The following MAN1C1 variants were observed in gnomAD, a reference collection of about 807,000 sequenced individuals.
MAN1C1 encodes the protein mannosyl-oligosaccharide 1,2-alpha-mannosidase IC.
A neutral mutation model predicts 71.5 loss-of-function variants in MAN1C1; 49 were observed. The ratio of observed to expected loss-of-function variants is 0.69; its 90% CI spans 0.54 to 0.87. The LOEUF (loss-of-function observed/expected upper bound fraction) is 0.87. Among genes scored for constraint, MAN1C1 ranks in the 40% least tolerant of loss-of-function variants. The pLI is 0.00. For missense variants in MAN1C1, 743 were observed against 835.0 expected, an observed-to-expected ratio of 0.89 and a Z score of 1.36; for synonymous variants, 352 against 343.7, an observed-to-expected ratio of 1.02 and a Z score of -0.27.
rs79893268 is a variant in MAN1C1, at chr1:25,783,660, C to T, written c.1767-3C>T. 10,752 of 1,611,756 alleles carry T rather than the reference C, an allele frequency of 6.7e-3. 599 individuals are homozygous for T. The African/African-American group carries it at 0.12, about 18-fold the overall frequency. On this transcript the variant is annotated splice_region_variant and splice_polypyrimidine_tract_variant and intron_variant, in intron 11 of 11. Coordinates refer to ENST00000374332, the MANE Select transcript of MAN1C1 (RefSeq NM_020379.4). ...TTGCTTCCCTGCCCTGCGTGGGGCA[C>T]AGGTATCTCTATCTTCTGTTCTCTG...
chr1:25,618,200 G>T lies in MAN1C1; in HGVS notation c.403G>T (p.Gly135Trp). Reference sequence around the variant, plus strand: ...CAATAGCATCCCGGCCTCCAGGCCCGGGGACGAGGGCGTCCCTTTCCGCTT... The same window carrying T: ...CAATAGCATCCCGGCCTCCAGGCCCTGGGACGAGGGCGTCCCTTTCCGCTT... ...RGNSIPASRP[G>W]DEGVPFRFDF... Residue 135 changes from glycine to tryptophan, a missense_variant, in exon 1 of 12, where the codon GGG (glycine) becomes TGG (tryptophan). Gly to Trp is a radical substitution (Grantham distance 184, BLOSUM62 -2). Coordinates refer to ENST00000374332, the MANE Select transcript of MAN1C1 (RefSeq NM_020379.4). 1 of 1,585,710 alleles carries T rather than the reference G, an allele frequency of 6.3e-7. No individual in the cohort carries two copies. Among genetic ancestry groups the T allele is most frequent in the East Asian group, 2.3e-5 (1 of 43,438 alleles).
chr1:25,780,962 C>T lies in MAN1C1; in HGVS notation c.1500C>T (p.Ala500=). 1 of 1,614,134 alleles carries T rather than the reference C, an allele frequency of 6.2e-7. No homozygotes were observed. The highest frequency in any genetic ancestry group is 8.5e-7 in the Non-Finnish European group (1 of 1,179,994). ...CAGACACCAAACTTGGGCCTGAGGC[C>T]TTCTGGTTTAACTCCGGCAGAGAGG... ...ARSDTKLGPE[A]FWFNSGREAV... Residue 500 remains alanine (A), a synonymous_variant, in exon 10 of 12, where the codon GCC becomes GCT. Transcript: ENST00000374332.
chr1:25,783,951 C>G lies in MAN1C1; in HGVS notation c.*162C>G. 1.1e-6 allele frequency: 1 copy of G among 927,230 alleles called. No homozygotes were observed. The highest frequency in any genetic ancestry group is 1.6e-6 in the Non-Finnish European group (1 of 636,408). The allele number at this position is 927,230 out of a possible 1,614,324, so 57.4% of individuals were successfully genotyped here. ...TCTTTTCCTCTGTGAGGAGACAAGA[C>G]TTGGAGACTCAGCGATGTCAGGCCA... is the stretch of plus-strand genomic sequence containing the variant. On this transcript the variant is annotated 3_prime_UTR_variant, in exon 12 of 12. Coordinates refer to ENST00000374332, the MANE Select transcript of MAN1C1 (RefSeq NM_020379.4).
chr1:25,654,808 A>G (rs528061892), intron 1 of MAN1C1, among the ~76,000 whole-genome samples: 1 of 151,866 alleles, frequency 6.6e-6, no homozygotes, highest in Non-Finnish European at 1.5e-5. Flanking sequence ...CACCACGCCT[A>G]GCTAATTTTT....
chr1:25,648,077 C>G, intron 1 of MAN1C1, among the ~76,000 whole-genome samples: 1 of 152,242 alleles, frequency 6.6e-6, no homozygotes, highest in East Asian at 1.9e-4. Context: ...GGAGCCCCGC[C>G]TGCATCTGGC....
chr1:25,756,777 C>T (rs552830051), intron 5 of MAN1C1, among the ~76,000 whole-genome samples: 1 of 152,286 alleles, frequency 6.6e-6, no homozygotes, highest in East Asian at 1.9e-4. Context: ...GCCTCAGTTT[C>T]CTCCTTTGCA....
rs892007854 is a variant in MAN1C1, at chr1:25,778,738, T to C, written c.1477+414T>C. On this transcript the variant is annotated intron_variant, in intron 9 of 11. Transcript: ENST00000374332. The surrounding 1 kb of genome is among the most constrained non-coding windows in gnomAD (Gnocchi z 5.5). ...TGAGTCTCCTACTTTCAAATGTGCCTCTGCCTTTCCCCCGGCACCCTCCTT... is the reference window on the plus strand; with the variant it reads ...TGAGTCTCCTACTTTCAAATGTGCCCCTGCCTTTCCCCCGGCACCCTCCTT... Among the ~76,000 whole-genome samples, 11 of 152,096 alleles carry C rather than the reference T, an allele frequency of 7.2e-5. No individual in the cohort carries two copies. The highest frequency in any genetic ancestry group is 7.2e-4 in the Admixed American group (11 of 15,280).
intron 1 of MAN1C1, among the ~76,000 whole-genome samples, chr1:25,641,255 T>A (rs2045533761): frequency 2.6e-5 from 4 of 152,206 alleles, no homozygotes; most frequent in Admixed American, 2.6e-4. Flanking sequence ...ATACAGAGCA[T>A]GGGCTGTCAT....
chr1:25,745,281 C>T (rs540047279), intron 2 of MAN1C1, among the ~76,000 whole-genome samples: 34 of 152,226 alleles, frequency 2.2e-4, no homozygotes, highest in Admixed American at 8.5e-4. Context: ...ATGAGAATGG[C>T]CGCAAATTTT....
At chr1:25,760,610 G>C (rs1010070221) in intron 6 of MAN1C1, 1 of 152,166 alleles carries the variant, frequency 6.6e-6, no homozygotes, top group East Asian at 1.9e-4. Flanking sequence ...GCACATTCCT[G>C]TCCCCGTAAT....
chr1:25,658,377 G>A (rs895765413), intron 1 of MAN1C1, among the ~76,000 whole-genome samples: 1 of 152,158 alleles, frequency 6.6e-6, no homozygotes, highest in Non-Finnish European at 1.5e-5. Context: ...GAGGGGACTC[G>A]AGGCTTCATG....
chr1:25,701,701 C>T (rs950346837), intron 2 of MAN1C1, among the ~76,000 whole-genome samples: 9 of 152,212 alleles, frequency 5.9e-5, no homozygotes, highest in East Asian at 1.9e-4. Context: ...AAAGGGCGTG[C>T]GATGTGCCTC....
rs538160899 is a variant in MAN1C1, at chr1:25,725,276, G to A, written c.638-21392G>A. Among the ~76,000 whole-genome samples, 38 of 152,310 alleles carry A rather than the reference G, an allele frequency of 2.5e-4. No homozygotes were observed. The highest frequency in any genetic ancestry group is 4.7e-4 in the Non-Finnish European group (32 of 68,024). The stretch of plus-strand genomic sequence containing the variant: ...AAGCTCATTAATTCATTCATTCAGA[G>A]GCTTTTCTAGGCCAGCTCTGGGATG... On this transcript the variant is annotated intron_variant, in intron 2 of 11. Coordinates refer to ENST00000374332, the MANE Select transcript of MAN1C1 (RefSeq NM_020379.4). The surrounding 1 kb of genome is among the most constrained non-coding windows in gnomAD (Gnocchi z 4.8).
At chr1:25,651,215 G>C (rs915212364) in intron 1 of MAN1C1, among the ~76,000 whole-genome samples, 1 of 152,250 alleles carries the variant, frequency 6.6e-6, no homozygotes, top group African/African-American at 2.4e-5. Flanking sequence ...TTCTGTCCCA[G>C]AGGAGAAGCG....
At chr1:25,636,822 G>A (rs2045467964) in intron 1 of MAN1C1, among the ~76,000 whole-genome samples, 1 of 152,206 alleles carries the variant, frequency 6.6e-6, no homozygotes, top group Non-Finnish European at 1.5e-5. Context: ...TTCCTCTGCT[G>A]TGGCTCCAGC....
At chr1:25,675,058 C>T (rs2046045234) in intron 1 of MAN1C1, among the ~76,000 whole-genome samples, 1 of 152,074 alleles carries the variant, frequency 6.6e-6, no homozygotes, top group East Asian at 1.9e-4. Context: ...TAGCAGTATC[C>T]TGTGGCTGCT....
intron 2 of MAN1C1, among the ~76,000 whole-genome samples, chr1:25,733,834 C>G (rs1459572825): frequency 1.3e-5 from 2 of 151,536 alleles, no homozygotes; most frequent in Non-Finnish European, 2.9e-5. Context: ...GAGTCTTTCT[C>G]TGTCGCCCAG....
chr1:25,753,436 C>A lies in MAN1C1; in HGVS notation c.835-48C>A. On this transcript the variant is annotated intron_variant, in intron 4 of 11. Coordinates refer to ENST00000374332, the MANE Select transcript of MAN1C1 (RefSeq NM_020379.4). The surrounding 1 kb of genome is among the most constrained non-coding windows in gnomAD (Gnocchi z 4.9). Reference sequence around the variant, plus strand: ...CTGCAGCAGTTCTGGGGTTGACCTTCCCTCACCCAGCCTGGAGTCAAAAGC... The same window carrying A: ...CTGCAGCAGTTCTGGGGTTGACCTTACCTCACCCAGCCTGGAGTCAAAAGC... 2 of 1,476,764 alleles carry A rather than the reference C, an allele frequency of 1.4e-6. No individual in the cohort carries two copies. Among genetic ancestry groups the A allele is most frequent in the Non-Finnish European group, 1.9e-6 (2 of 1,069,194 alleles). The allele number at this position is 1,476,764 out of a possible 1,614,324, so 91.5% of individuals were successfully genotyped here. A position where few individuals can be genotyped will look rare whatever the true frequency, so the allele number is the denominator to read the frequency against.
intron 1 of MAN1C1, among the ~76,000 whole-genome samples, chr1:25,684,833 G>T (rs2046206842): frequency 6.6e-6 from 1 of 152,246 alleles, no homozygotes; most frequent in East Asian, 1.9e-4. Context: ...TGGGCGTGAG[G>T]TGAGTGATAC....
Sources: allele counts gnomAD v4.1 joint callset (sites outside exome capture counted in the v4.1 genomes callset), GRCh38; gene constraint gnomAD v4.1.1; non-coding constraint Gnocchi (gnomAD v3.1); transcripts MANE v1.5; gene names NCBI Gene and HGNC (gene_info 2026-07-23, HGNC 2026-07-21).